NMUR2: variants seen among roughly 807,000 people sequenced by gnomAD.
NMUR2 encodes the protein neuromedin U receptor 2.
In NMUR2, 24 loss-of-function variants were observed where a neutral mutation model predicts 25.1. The ratio of observed to expected loss-of-function variants is 0.96; its 90% confidence interval spans 0.69 to 1.34. The LOEUF (loss-of-function observed/expected upper bound fraction) is 1.34. Ranked by LOEUF, NMUR2 falls within the 40% of genes most tolerant of loss-of-function variation. The pLI is 0.00. For synonymous variants in NMUR2, 218 were observed against 208.1 expected, an observed-to-expected ratio of 1.05 and a Z score of -0.41; for missense variants, 533 against 512.8, an observed-to-expected ratio of 1.04 and a Z score of -0.38.
intron 2 of NMUR2, among the ~76,000 whole-genome samples, chr5:152,397,098 G>A (rs537055032): frequency 1.4e-5 from 2 of 147,862 alleles, no homozygotes; most frequent in East Asian, 4.0e-4. Context: ...TCTTGATAGA[G>A]AAAGTCAAGT....
At chr5:152,398,755 A>G (rs1438968938) in intron 1 of NMUR2, among the ~76,000 whole-genome samples, 1 of 152,120 alleles carries the variant, frequency 6.6e-6, no homozygotes, top group African/African-American at 2.4e-5. Flanking sequence ...AGTAAACAAT[A>G]TTTTCCCCCA....
chr5:152,400,881 G>C (rs572376851), intron 1 of NMUR2, among the ~76,000 whole-genome samples: 50 of 152,218 alleles, frequency 3.3e-4, no homozygotes, highest in South Asian at 2.3e-3. Context: ...AATAGTTCAC[G>C]CAATTCTTTT....
chr5:152,397,604 T>C (rs1267525887), intron 2 of NMUR2, among the ~76,000 whole-genome samples: 1 of 152,060 alleles, frequency 6.6e-6, no homozygotes, highest in Non-Finnish European at 1.5e-5. Flanking sequence ...CATTTTTTTT[T>C]TTTTTTGGAA....
Position 152,404,524 on chromosome 5 carries a change from A to T in NMUR2, c.590T>A (p.Leu197Gln), listed in dbSNP as rs367573145. 19 of 1,614,134 alleles carry T rather than the reference A, an allele frequency of 1.2e-5. No homozygotes were observed. Among genetic ancestry groups the T allele is most frequent in the Non-Finnish European group, 1.6e-5 (19 of 1,180,018 alleles). ...CGTACAGGTGGCCGAACCTGGGACC[A>T]GGGACCCATTGGGGAAGTAGTGGAA... ...IKFHYFPNGS[L>Q]VPGSATCTVI... The change falls in exon 1 of 4, where the codon CTG becomes CAG. Residue 197 changes from leucine to glutamine, a missense_variant. Physicochemically the swap from Leu to Gln is moderately radical, Grantham distance 113. Transcript: ENST00000255262.
intron 3 of NMUR2, among the ~76,000 whole-genome samples, chr5:152,395,250 A>G (rs143081906): frequency 1.3e-5 from 2 of 152,326 alleles, no homozygotes; most frequent in African/African-American, 2.4e-5. Context: ...TTTTCCATAA[A>G]GTAGCCTTGA....
Position 152,405,016 on chromosome 5 carries a change from A to G in NMUR2, c.98T>C (p.Leu33Pro). Residue 33 changes from leucine to proline, a missense_variant, in exon 1 of 4, where the codon CTG becomes CCG. By Grantham distance (98) the Leu-to-Pro change is moderately conservative. Coordinates refer to ENST00000255262, the MANE Select transcript of NMUR2 (RefSeq NM_020167.5). ...QKHLNSTEEY[L>P]AFLCGPRRSH... ...GCGCCGAGGTCCGCAGAGGAAGGCCAGATACTCCTCGGTGCTGTTCAGGTG... is the reference window on the plus strand; with the variant it reads ...GCGCCGAGGTCCGCAGAGGAAGGCCGGATACTCCTCGGTGCTGTTCAGGTG... 1 of 1,614,046 alleles carries G rather than the reference A, an allele frequency of 6.2e-7. No homozygotes were observed. The highest frequency in any genetic ancestry group is 8.5e-7 in the Non-Finnish European group (1 of 1,180,006).
chr5:152,403,740 A>G (rs1322579678), intron 1 of NMUR2, among the ~76,000 whole-genome samples: 1 of 147,044 alleles, frequency 6.8e-6, no homozygotes, highest in Non-Finnish European at 1.5e-5. Flanking sequence ...ATATATGACT[A>G]TATATTATAT....
At chr5:152,401,179 C>A (rs1033593028) in intron 1 of NMUR2, among the ~76,000 whole-genome samples, 8 of 152,104 alleles carry the variant, frequency 5.3e-5, no homozygotes, top group Admixed American at 2.6e-4. Flanking sequence ...GATATTCAAC[C>A]ATTCATTATT....
At chr5:152,397,581 A>G (rs915867019) in intron 2 of NMUR2, among the ~76,000 whole-genome samples, 2 of 145,406 alleles carry the variant, frequency 1.4e-5, no homozygotes, top group Admixed American at 1.5e-4. Context: ...TCTTTTGTGT[A>G]TGCATATTTG....
rs537018063 is a variant in NMUR2 at position 152,396,425 on chromosome 5, G to A, written c.812-841C>T. On this transcript the variant is annotated intron_variant, in intron 2 of 3. Transcript: ENST00000255262. ...TTACAGTTTTCTGTACTTGTGTACA[G>A]ATATGAAGTTTTCATAGTAAGCAGT... is the stretch of plus-strand genomic sequence containing the variant. Among the ~76,000 whole-genome samples, 6 of 152,250 alleles carry A rather than the reference G, an allele frequency of 3.9e-5. No individual in the cohort carries two copies. The South Asian group carries it at 8.3e-4, about 21-fold the overall frequency.
intron 3 of NMUR2, among the ~76,000 whole-genome samples, chr5:152,393,938 AT>A (rs1753104812): frequency 6.6e-6 from 1 of 152,174 alleles, no homozygotes; most frequent in Non-Finnish European, 1.5e-5. Flanking sequence ...TGATAAGTAT[AT>A]GGTCTATGAA....
intron 3 of NMUR2, among the ~76,000 whole-genome samples, chr5:152,394,701 C>T (rs1261064443): frequency 6.6e-6 from 1 of 152,154 alleles, no homozygotes; most frequent in African/African-American, 2.4e-5. Context: ...TTATTTTTGA[C>T]TATACAATGT....
chr5:152,392,250 G>A lies in NMUR2; in HGVS notation c.1189C>T (p.Leu397Phe). 6.2e-7 allele frequency: 1 copy of A among 1,613,898 alleles called. No homozygotes were observed. Among genetic ancestry groups the A allele is most frequent in the South Asian group, 1.1e-5 (1 of 91,076 alleles). ...GTTCTTGACATCTGTTCACTAGAGA[G>A]GGCTGCTGGGAGGTGAGAGTTGTGC... is the stretch of plus-strand genomic sequence containing the variant. Reference protein sequence around the residue: ...SMHNSHLPAALSSEQMSRTNY... With the variant: ...SMHNSHLPAAFSSEQMSRTNY... Residue 397 changes from leucine (L) to phenylalanine (F), a missense_variant, in exon 4 of 4, where the codon CTC (leucine) becomes TTC (phenylalanine). By Grantham distance (22) the Leu-to-Phe change is conservative. Transcript: ENST00000255262.
At chr5:152,393,770 T>C (rs3792906) in intron 3 of NMUR2, among the ~76,000 whole-genome samples, 78,808 of 151,620 alleles carry the variant, frequency 0.52, 20,759 homozygotes, top group Middle Eastern at 0.59. Flanking sequence ...TAGTGGGGGG[T>C]GATTGAACTC....
chr5:152,392,215 T>C lies in NMUR2; in HGVS notation c.1224A>G (p.Gln408=). Residue 408 remains glutamine, a synonymous_variant, in exon 4 of 4, where the codon CAA becomes CAG. Coordinates refer to ENST00000255262, the MANE Select transcript of NMUR2 (RefSeq NM_020167.5). ...TTCAGGTTTTGTTAAAGTGGAAGCT[T>C]TGATAGTTTGTTCTTGACATCTGTT... ...SSEQMSRTNY[Q]SFHFNKT The C allele has an allele frequency of 6.2e-7, 1 of 1,612,506 alleles. No individual in the cohort carries two copies. Among genetic ancestry groups the C allele is most frequent in the Non-Finnish European group, 8.5e-7 (1 of 1,178,824 alleles).
intron 1 of NMUR2, among the ~76,000 whole-genome samples, chr5:152,399,432 C>T (rs1753218095): frequency 6.6e-6 from 1 of 152,058 alleles, no homozygotes; most frequent in Non-Finnish European, 1.5e-5. Context: ...ATAATGCAGA[C>T]CAATGAGATT....
intron 3 of NMUR2, among the ~76,000 whole-genome samples, chr5:152,394,693 A>G (rs1490890803): frequency 1.3e-5 from 2 of 152,178 alleles, no homozygotes; most frequent in Non-Finnish European, 2.9e-5. Context: ...GAAGGGTTTT[A>G]TTTTTGACTA....
chr5:152,398,217 A>G (rs1326584644), intron 1 of NMUR2, 73 bp from the exon 2 acceptor site: 2 of 1,066,940 alleles, frequency 1.9e-6, no homozygotes, highest in Non-Finnish European at 2.9e-6. Flanking sequence ...TCTGAGAAAC[A>G]TAACTCAAAC....
rs776787609 is a variant in NMUR2 at position 152,404,354 on chromosome 5, T to C, written c.726+34A>G. 15 of 1,549,278 alleles carry C rather than the reference T, an allele frequency of 9.7e-6. No individual in the cohort carries two copies. The South Asian group carries it at 1.4e-4, about 14-fold the overall frequency. ...TTTGAGCCTGTGAAAAAAGAAGGGATGCTGCCTCAGGCCACCCCAGCCTAG... is the reference window on the plus strand; with the variant it reads ...TTTGAGCCTGTGAAAAAAGAAGGGACGCTGCCTCAGGCCACCCCAGCCTAG... On this transcript the variant is annotated intron_variant, in intron 1 of 3. Coordinates refer to ENST00000255262, the MANE Select transcript of NMUR2 (RefSeq NM_020167.5).
Sources: allele counts gnomAD v4.1 joint callset (sites outside exome capture counted in the v4.1 genomes callset), GRCh38; gene constraint gnomAD v4.1.1; transcripts MANE v1.5; gene names NCBI Gene and HGNC (gene_info 2026-07-23, HGNC 2026-07-21).